NLGN4X: variants seen among roughly 807,000 people sequenced by gnomAD.
NLGN4X encodes neuroligin 4 X-linked.
A neutral mutation model predicts 40.3 loss-of-function variants in NLGN4X; 3 were observed. The ratio of observed to expected loss-of-function variants is 0.07; its 90% confidence interval spans 0.03 to 0.19. The LOEUF is 0.19. NLGN4X is among the 10% of genes least tolerant of loss of function. The probability of loss-of-function intolerance (pLI) is 1.00; values close to 1 mark genes in which losing one functional copy is unlikely to be tolerated. For missense variants in NLGN4X, 382 were observed against 708.3 expected, an observed-to-expected ratio of 0.54 and a Z score of 5.23; for synonymous variants, 270 against 306.8, an observed-to-expected ratio of 0.88 and a Z score of 1.25.
chrX:5,918,683 TTTTTC>T lies in NLGN4X; in HGVS notation c.626-9449_626-9445del, dbSNP rs1601883198. Among the ~76,000 whole-genome samples the T allele has an allele frequency of 3.6e-5, 4 of 112,118 alleles. No individual in the cohort carries two copies. The Admixed American group carries it at 3.8e-4, about 11-fold the overall frequency. ...ATTTTTATATGTTCTAACATTAAGG[TTTTTC>T]TTTTCTTTTTGCCACTTTTCTTTTT... On this transcript the variant is annotated intron_variant, in intron 3 of 5. Coordinates refer to ENST00000381095, the MANE Select transcript of NLGN4X (RefSeq NM_181332.3).
chrX:6,026,917 T>TAAA (rs200175059), intron 3 of NLGN4X, among the ~76,000 whole-genome samples: 3,944 of 107,787 alleles, frequency 0.037, 147 homozygotes, highest in East Asian at 0.17. Flanking sequence ...ACAAAACTGA[T>TAAA]AAAAAAAAAA....
At chrX:6,097,236 CTT>C (rs35401398) in intron 2 of NLGN4X, among the ~76,000 whole-genome samples, 15,838 of 97,486 alleles carry the variant, frequency 0.16, 2,142 homozygotes, top group African/African-American at 0.45. Flanking sequence ...GCTTTCTTGG[CTT>C]TTTTTTTTTT....
rs188691667 is a variant in NLGN4X, at chrX:6,026,976, G to A, written c.625+2304C>T. 3.8e-3 allele frequency among the ~76,000 whole-genome samples: 420 copies of A among 111,558 alleles called. 4 individuals carry two copies. Among genetic ancestry groups the A allele is most frequent in the African/African-American group, 0.013 (401 of 30,683 alleles). ...CAACTGAGCTTTAGGGGGAAAAGGA[G>A]ATCAATTTATTTTGAAACTCTATCT... On this transcript the variant is annotated intron_variant, in intron 3 of 5. Transcript: ENST00000381095.
At chrX:6,158,892 C>T (rs2040327821) in intron 1 of NLGN4X, among the ~76,000 whole-genome samples, 2 of 112,043 alleles carry the variant, frequency 1.8e-5, no homozygotes, top group South Asian at 3.7e-4. Context: ...TGAGAACATG[C>T]GGTGTTTGGT....
At chrX:6,003,265 A>G (rs2036017811) in intron 3 of NLGN4X, among the ~76,000 whole-genome samples, 1 of 112,074 alleles carries the variant, frequency 8.9e-6, no homozygotes, top group African/African-American at 3.2e-5. Flanking sequence ...GTGGCGTGAA[A>G]GCAGGGATAC....
intron 3 of NLGN4X, among the ~76,000 whole-genome samples, chrX:5,961,908 T>C (rs928126882): frequency 2.7e-5 from 3 of 112,393 alleles, no homozygotes; most frequent in African/African-American, 9.7e-5. Context: ...TGTTCTTATT[T>C]CTACTGCATG....
chrX:6,115,016 A>T (rs1031884897), intron 2 of NLGN4X, among the ~76,000 whole-genome samples: 3 of 112,583 alleles, frequency 2.7e-5, no homozygotes, highest in Non-Finnish European at 5.6e-5. Flanking sequence ...GTGGATCTTC[A>T]TCTCTAAATG....
Position 5,890,891 on chromosome X carries a change from G to A in NLGN4X, c.*1926C>T, listed in dbSNP as rs2031126960. The A allele has an allele frequency of 3.1e-6, 1 of 321,787 alleles. No homozygotes were observed. Among genetic ancestry groups the A allele is most frequent in the African/African-American group, 2.7e-5 (1 of 37,308 alleles). 26.5% of individuals were successfully genotyped at this position (321,787 alleles called of 1,213,427 possible). On this transcript the variant is annotated 3_prime_UTR_variant, in exon 6 of 6. Coordinates refer to ENST00000381095, the MANE Select transcript of NLGN4X (RefSeq NM_181332.3). Reference sequence around the variant, plus strand: ...ACTGATATATCACTATAGTTTGAGTGTAGGGATTCAGTAATCAAAGGTTGT... The same window carrying A: ...ACTGATATATCACTATAGTTTGAGTATAGGGATTCAGTAATCAAAGGTTGT...
chrX:5,907,609 G>A (rs1045860676), intron 4 of NLGN4X, among the ~76,000 whole-genome samples: 4 of 111,434 alleles, frequency 3.6e-5, no homozygotes, highest in African/African-American at 1.3e-4. Context: ...TGTTTTTGTG[G>A]TTTCCTCTTT....
intron 1 of NLGN4X, among the ~76,000 whole-genome samples, chrX:6,226,465 C>G (rs1396932935): frequency 9.0e-6 from 1 of 111,268 alleles, no homozygotes; most frequent in Non-Finnish European, 1.9e-5. Flanking sequence ...CCTGACCCCC[C>G]TGCTCCCGCC....
chrX:6,112,504 A>G (rs1204491148), intron 2 of NLGN4X, among the ~76,000 whole-genome samples: 2 of 111,135 alleles, frequency 1.8e-5, no homozygotes, highest in Non-Finnish European at 3.8e-5. Flanking sequence ...CTCATGCAAA[A>G]TAACTTCAAA....
At chrX:6,212,457 A>G (rs1924701485) in intron 1 of NLGN4X, among the ~76,000 whole-genome samples, 1 of 111,298 alleles carries the variant, frequency 9.0e-6, no homozygotes, top group Non-Finnish European at 1.9e-5. Context: ...GGTTGTGACA[A>G]GACGCACACA....
intron 3 of NLGN4X, among the ~76,000 whole-genome samples, chrX:5,931,804 T>C (rs1228604725): frequency 9.0e-6 from 1 of 111,566 alleles, no homozygotes; most frequent in Admixed American, 9.6e-5. Context: ...CTATAAGCCA[T>C]CCCGAGGAGA....
chrX:6,159,485 C>T (rs1011542945), intron 1 of NLGN4X, among the ~76,000 whole-genome samples: 17 of 112,050 alleles, frequency 1.5e-4, no homozygotes, highest in African/African-American at 4.9e-4. Flanking sequence ...TTCCCATGTG[C>T]TATCAAACTA....
intron 1 of NLGN4X, among the ~76,000 whole-genome samples, chrX:6,210,001 C>G (rs1343707499): frequency 9.0e-6 from 1 of 111,568 alleles, no homozygotes. Context: ...CAGGAGCGAG[C>G]CATCACATCT....
rs759950568 is a variant in NLGN4X, at chrX:6,098,290, C to T, written c.472+52705G>A. Among the ~76,000 whole-genome samples, 5 of 111,512 alleles carry T rather than the reference C, an allele frequency of 4.5e-5. No individual in the cohort carries two copies. In the East Asian group the frequency reaches 1.4e-3, roughly 31 times the overall value. ...CTCCAGTGTGGGTGGCAGAGCGAGG[C>T]TCTCTCAAATAAAATACATAAATAA... On this transcript the variant is annotated intron_variant, in intron 2 of 5. Coordinates refer to ENST00000381095, the MANE Select transcript of NLGN4X (RefSeq NM_181332.3).
intron 3 of NLGN4X, among the ~76,000 whole-genome samples, chrX:5,941,401 G>A (rs1179673430): frequency 9.0e-6 from 1 of 111,124 alleles, no homozygotes; most frequent in Non-Finnish European, 1.9e-5. Context: ...CTCTTCCTAC[G>A]GAGCTATCTC....
intron 3 of NLGN4X, among the ~76,000 whole-genome samples, chrX:5,950,029 A>G (rs2146940108): frequency 8.9e-6 from 1 of 112,084 alleles, no homozygotes; most frequent in Non-Finnish European, 1.9e-5. Context: ...TGGGACCTGA[A>G]GGCCATGTGT....
chrX:6,125,748 TTTAAG>T (rs1251832516), intron 2 of NLGN4X, among the ~76,000 whole-genome samples: 4 of 111,928 alleles, frequency 3.6e-5, no homozygotes, highest in Admixed American at 1.9e-4. Context: ...ATTCTACTTA[TTTAAG>T]TTTTCTTCAG....
Sources: allele counts gnomAD v4.1 joint callset (sites outside exome capture counted in the v4.1 genomes callset), GRCh38; gene constraint gnomAD v4.1.1; transcripts MANE v1.5; gene names NCBI Gene and HGNC (gene_info 2026-07-23, HGNC 2026-07-21).